The following CEP95 variants were observed in gnomAD, a reference collection of about 807,000 sequenced individuals.
CEP95 encodes centrosomal protein of 95 kDa.
CEP95 carries 98 observed loss-of-function variants against 111.2 expected under a neutral mutation model. The observed-to-expected ratio is 0.88, with a 90% CI of 0.75 to 1.04. The LOEUF (loss-of-function observed/expected upper bound fraction) is 1.04, where lower values mean the gene tolerates loss of function less well. CEP95 is among the 50% of genes least tolerant of loss of function. The pLI is 0.00. For missense variants in CEP95, 1,027 were observed against 977.2 expected (o/e 1.05, Z -0.68); for synonymous variants, 323 against 327.1 (o/e 0.99, Z 0.14).
Position 64,508,645 on chromosome 17 carries a change from A to G in CEP95, c.73A>G (p.Ile25Val), listed in dbSNP as rs781903572. ...LLFKCHIHLR[I>V]HELQDCDANV... ...TTTTAAGTGTCATATACATCTGAGA[A>G]TACATGAACTTCAAGACTGTGATGC... Residue 25 changes from isoleucine (I) to valine (V), a missense_variant, in exon 2 of 20, where the codon ATA becomes GTA. Physicochemically the swap from Ile to Val is conservative, Grantham distance 29. Transcript: ENST00000556440. 1.2e-5 allele frequency: 17 copies of G among 1,465,852 alleles called. No individual in the cohort carries two copies. The highest frequency in any genetic ancestry group is 1.8e-4 in the Middle Eastern group (1 of 5,586). 90.8% of individuals were successfully genotyped at this position (1,465,852 alleles called of 1,614,324 possible).
At chr17:64,529,820 A>G (rs1167961740) in intron 12 of CEP95, among the ~76,000 whole-genome samples, 1 of 152,204 alleles carries the variant, frequency 6.6e-6, no homozygotes, top group Non-Finnish European at 1.5e-5. Flanking sequence ...GGATTCAACA[A>G]CAGGGAGATT....
In CEP95 at chr17:64,522,824, A is replaced by G. The variant is rs1967463593; in HGVS notation, c.838A>G (p.Lys280Glu). The G allele has an allele frequency of 6.2e-7, 1 of 1,613,686 alleles. No individual in the cohort carries two copies. Among genetic ancestry groups the G allele is most frequent in the African/African-American group, 1.3e-5 (1 of 74,912 alleles). ...GCCTCGAGCACCCTGCCCCATAGGA[A>G]AAGAATACTTGCATTCAAGTCACTG... ...SEPRAPCPIG[K>E]EYLHSSHCSP... is the part of the protein sequence containing the mutation. Residue 280 changes from lysine to glutamate, a missense_variant, in exon 8 of 20, where the codon AAA becomes GAA. By Grantham distance (56) the Lys-to-Glu change is moderately conservative. Transcript: ENST00000556440.
chr17:64,515,124 A>C (rs1598192004), intron 4 of CEP95, among the ~76,000 whole-genome samples: 2 of 152,186 alleles, frequency 1.3e-5, no homozygotes, highest in East Asian at 1.9e-4. Context: ...GAAAATTGAA[A>C]AGTCTGCCAC....
chr17:64,522,554 TTTAA>T (rs1376249734), intron 7 of CEP95, 144 bp from the exon 8 acceptor site: 1 of 546,036 alleles, frequency 1.8e-6, no homozygotes, highest in Non-Finnish European at 3.2e-6. Flanking sequence ...ATATCCCTGG[TTTAA>T]TTATTTTTTT....
At chr17:64,514,612 T>A (rs960007317) in intron 4 of CEP95, 5 of 415,262 alleles carry the variant, frequency 1.2e-5, no homozygotes, top group Non-Finnish European at 2.1e-5. Flanking sequence ...AAAGATAAAT[T>A]TCTGGCTAAA....
In CEP95 at chr17:64,506,994, T is replaced by C; in HGVS notation, c.-104T>C. 7.4e-7 allele frequency: 1 copy of C among 1,353,882 alleles called. No individual in the cohort carries two copies. The highest frequency in any genetic ancestry group is 2.5e-5 in the East Asian group (1 of 40,018). The allele number at this position is 1,353,882 out of a possible 1,614,324, so 83.9% of individuals were successfully genotyped here. ...CACGCCTCCTTCCCCGCGCTTTGGT[T>C]CGTGCGTCCGCGCCCCAGTGTCGGG... On this transcript the variant is annotated 5_prime_UTR_variant, in exon 1 of 20. Transcript: ENST00000556440.
chr17:64,529,962 A>G (rs1454565070), intron 12 of CEP95, among the ~76,000 whole-genome samples: 1 of 152,244 alleles, frequency 6.6e-6, no homozygotes, highest in Non-Finnish European at 1.5e-5. Flanking sequence ...ACTAAAACCA[A>G]TTCAGACATC....
At chr17:64,528,962 C>T (rs1379629541) in intron 11 of CEP95, among the ~76,000 whole-genome samples, 2 of 152,178 alleles carry the variant, frequency 1.3e-5, no homozygotes, top group African/African-American at 2.4e-5. Flanking sequence ...ATAGCAGATG[C>T]GTGGCTCAGA....
intron 8 of CEP95, among the ~76,000 whole-genome samples, chr17:64,523,778 T>C (rs1213865993): frequency 6.6e-6 from 1 of 152,064 alleles, no homozygotes; most frequent in Non-Finnish European, 1.5e-5. Flanking sequence ...TGCATGCCTG[T>C]GATCTTAGCT....
At chr17:64,506,826 C>G, upstream of CEP95, 1 of 588,996 alleles carries the variant, frequency 1.7e-6, no homozygotes, top group South Asian at 1.9e-5. Context: ...ACCCGCGTGT[C>G]TGATAATCCT....
At chr17:64,518,287 A>G (rs1284115734) in intron 5 of CEP95, among the ~76,000 whole-genome samples, 1 of 152,232 alleles carries the variant, frequency 6.6e-6, no homozygotes, top group Non-Finnish European at 1.5e-5. Context: ...TTTTTTAAAT[A>G]TTATCAAAAA....
intron 4 of CEP95, among the ~76,000 whole-genome samples, chr17:64,514,990 C>CCTT (rs10627486): frequency 0.16 from 24,763 of 152,024 alleles, 3,962 homozygotes; most frequent in African/African-American, 0.41. Context: ...GGCTCATCCT[C>CCTT]CATTCTCACT....
chr17:64,514,480 C>T (rs781971711), intron 4 of CEP95, 122 bp downstream of exon 4: 20 of 538,182 alleles, frequency 3.7e-5, no homozygotes, highest in Non-Finnish European at 6.5e-5. Context: ...TACCTGATAA[C>T]CGTAGTTGTA....
At chr17:64,536,098 G>A (rs1968634660) in intron 17 of CEP95, 1 of 152,336 alleles carries the variant, frequency 6.6e-6, no homozygotes. Flanking sequence ...TTCTTTTTGG[G>A]GTGGTAAAAA....
chr17:64,507,064 G>C lies in CEP95; in HGVS notation c.-34G>C. The C allele has an allele frequency of 3.9e-6, 6 of 1,550,750 alleles. No homozygotes were observed. Among genetic ancestry groups the C allele is most frequent in the Non-Finnish European group, 5.2e-6 (6 of 1,146,898 alleles). On this transcript the variant is annotated 5_prime_UTR_variant, in exon 1 of 20. Coordinates refer to ENST00000556440, the MANE Select transcript of CEP95 (RefSeq NM_138363.3). ...CCAGGACACCGTCGCCTTCCCGGCC[G>C]CGTCGGAGTCCGGCGGCGACCTGCC... is the stretch of plus-strand genomic sequence containing the variant.
Position 64,508,578 on chromosome 17 carries a change from C to CT in CEP95, c.20-9dup, listed in dbSNP as rs782351163. ...TGGTTTTTAAGACTGATCTTTCCCC[C>CT]TTTTTCCCAACAGAGTGGGTAACCA... On this transcript the variant is annotated splice_polypyrimidine_tract_variant and intron_variant, in intron 1 of 19. Coordinates refer to ENST00000556440, the MANE Select transcript of CEP95 (RefSeq NM_138363.3). 42 of 1,370,630 alleles carry CT rather than the reference C, an allele frequency of 3.1e-5. No individual in the cohort carries two copies. Among genetic ancestry groups the CT allele is most frequent in the Non-Finnish European group, 3.9e-5 (41 of 1,048,970 alleles). The allele number at this position is 1,370,630 out of a possible 1,614,324, so 84.9% of individuals were successfully genotyped here. A position where few individuals can be genotyped will look rare whatever the true frequency, so the allele number is the denominator to read the frequency against.
intron 2 of CEP95, among the ~76,000 whole-genome samples, chr17:64,509,692 A>C (rs1368561671): frequency 2.0e-5 from 3 of 152,182 alleles, no homozygotes; most frequent in Non-Finnish European, 4.4e-5. Context: ...CTCAATAAAT[A>C]ATAAATAAAC....
At chr17:64,522,560 T>G (rs1967436639) in intron 7 of CEP95, 142 bp from the exon 8 acceptor site, 2 of 557,308 alleles carry the variant, frequency 3.6e-6, no homozygotes. Context: ...CTGGTTTAAT[T>G]ATTTTTTTAT....
chr17:64,507,879 A>G (rs191683019), intron 1 of CEP95: 1 of 985,460 alleles, frequency 1.0e-6, no homozygotes, highest in East Asian at 1.1e-4. Flanking sequence ...TTTTAAGCTA[A>G]GTTACTTTTG....
Sources: gnomAD v4.1 joint callset for allele counts (sites outside exome capture counted in the v4.1 genomes callset) on GRCh38, gnomAD v4.1.1 for gene constraint, MANE v1.5 for transcripts, NCBI Gene and HGNC (gene_info 2026-07-23, HGNC 2026-07-21) for gene names.